The following GALNT14 variants were observed in gnomAD, a reference collection of about 807,000 sequenced individuals.
GALNT14 encodes polypeptide N-acetylgalactosaminyltransferase 14.
Under a neutral mutation model 77.5 loss-of-function variants are expected in GALNT14, and 60 were observed. That is an observed-to-expected ratio of 0.77 (90% CI 0.63 to 0.96). GALNT14 has a LOEUF of 0.96. Among genes scored for constraint, GALNT14 ranks in the 40% least tolerant of loss-of-function variants. GALNT14 has a pLI of 0.00. For synonymous variants in GALNT14, 280 were observed against 281.7 expected, an observed-to-expected ratio of 0.99 and a Z score of 0.06; for missense variants, 710 against 731.0, an observed-to-expected ratio of 0.97 and a Z score of 0.33.
intron 1 of GALNT14, among the ~76,000 whole-genome samples, chr2:31,112,451 T>C (rs1343550682): frequency 6.6e-6 from 1 of 152,148 alleles, no homozygotes; most frequent in African/African-American, 2.4e-5. Flanking sequence ...TTACAGGAGA[T>C]GTATGGGACA....
chr2:31,113,207 C>T (rs868237800), intron 1 of GALNT14, among the ~76,000 whole-genome samples: 2 of 152,268 alleles, frequency 1.3e-5, no homozygotes, highest in Non-Finnish European at 1.5e-5. Context: ...TTTGAATGTG[C>T]CCCTGCTGAT....
At chr2:30,911,204 A>T (rs1664338133) in intron 14 of GALNT14, 145 bp from the exon 15 acceptor site, 3 of 658,196 alleles carry the variant, frequency 4.6e-6, no homozygotes, top group Admixed American at 3.3e-5. Context: ...ACTGCAACTA[A>T]TTGCTCTACC....
At chr2:31,029,694 C>G (rs1446307690) in intron 1 of GALNT14, among the ~76,000 whole-genome samples, 1 of 152,170 alleles carries the variant, frequency 6.6e-6, no homozygotes, top group Admixed American at 6.5e-5. Context: ...GAACAACACT[C>G]TACATCCCAG....
At chr2:30,983,021 A>G (rs577104083) in intron 2 of GALNT14, among the ~76,000 whole-genome samples, 1 of 152,308 alleles carries the variant, frequency 6.6e-6, no homozygotes, top group East Asian at 1.9e-4. Context: ...TGCAGAGTGC[A>G]AATCCAGGGA....
chr2:31,072,282 TACACAC>T (rs1198431998), intron 1 of GALNT14, among the ~76,000 whole-genome samples: 5 of 37,810 alleles, frequency 1.3e-4, no homozygotes, highest in Middle Eastern at 0.014. Context: ...CACACACACA[TACACAC>T]ACACACACAC....
chr2:31,115,524 T>C (rs149203192), intron 1 of GALNT14, among the ~76,000 whole-genome samples: 91 of 152,296 alleles, frequency 6.0e-4, no homozygotes, highest in African/African-American at 2.2e-3. Flanking sequence ...TAAATCTAAT[T>C]AGGTAATATT....
chr2:31,109,939 T>C (rs1677754250), intron 1 of GALNT14, among the ~76,000 whole-genome samples: 2 of 152,192 alleles, frequency 1.3e-5, no homozygotes, highest in African/African-American at 2.4e-5. Context: ...AGAAACAATA[T>C]TTATAAAATA....
intron 13 of GALNT14, among the ~76,000 whole-genome samples, chr2:30,918,756 TCAGGCAGGGAGGG>T (rs2148215525): frequency 2.0e-5 from 2 of 99,130 alleles, no homozygotes; most frequent in East Asian, 6.5e-4. Flanking sequence ...GAGGGTGGCA[TCAGGCAGGGAGGG>T]TGGCATCGGG....
At chr2:31,129,258 GAAT>G (rs1678857677) in intron 1 of GALNT14, 3 of 543,362 alleles carry the variant, frequency 5.5e-6, no homozygotes, top group Non-Finnish European at 7.0e-6. Flanking sequence ...CAGAAAACGA[GAAT>G]AATAATAACA....
At chr2:31,022,630 A>G (rs1671791361) in intron 1 of GALNT14, among the ~76,000 whole-genome samples, 1 of 152,234 alleles carries the variant, frequency 6.6e-6, no homozygotes. Context: ...TGGTGGGATG[A>G]AATTCCTGCT....
At chr2:30,897,636 T>C in the GALNT14 span, among the ~76,000 whole-genome samples, 1 of 152,222 alleles carries the variant, frequency 6.6e-6, no homozygotes, top group East Asian at 1.9e-4. Context: ...TGGTGTCTCC[T>C]GCCGTTTTCT....
At chr2:31,086,667 T>G (rs1446770432) in intron 1 of GALNT14, among the ~76,000 whole-genome samples, 1 of 152,166 alleles carries the variant, frequency 6.6e-6, no homozygotes, top group Non-Finnish European at 1.5e-5. Flanking sequence ...TAAATCTATA[T>G]TTTATTTATT....
At chr2:31,079,028 T>A (rs1675992037) in intron 1 of GALNT14, 1 of 1,286,188 alleles carries the variant, frequency 7.8e-7, no homozygotes, top group Admixed American at 2.3e-5. Flanking sequence ...CAGAACGAAA[T>A]GGGTAGGCTC....
chr2:31,077,102 C>G (rs577910001), intron 1 of GALNT14, among the ~76,000 whole-genome samples: 1 of 152,166 alleles, frequency 6.6e-6, no homozygotes, highest in Non-Finnish European at 1.5e-5. Context: ...ATGTGCTACG[C>G]TATTACAAAC....
intron 1 of GALNT14, among the ~76,000 whole-genome samples, chr2:31,021,357 T>C (rs1432191061): frequency 6.6e-6 from 1 of 152,002 alleles, no homozygotes; most frequent in Non-Finnish European, 1.5e-5. Flanking sequence ...CAGGCTGGAG[T>C]GCAGTGGTGT....
chr2:30,887,135 G>A, the GALNT14 span, among the ~76,000 whole-genome samples: 6 of 152,292 alleles, frequency 3.9e-5, no homozygotes, highest in East Asian at 1.9e-4. Context: ...ATTGATGGAC[G>A]TTTGAATTGT....
At chr2:30,917,216 C>T (rs1030399879) in intron 13 of GALNT14, among the ~76,000 whole-genome samples, 9 of 152,022 alleles carry the variant, frequency 5.9e-5, no homozygotes, top group Non-Finnish European at 1.0e-4. Flanking sequence ...CAGCGGCTCT[C>T]GACTCTCCCC....
At chr2:31,062,026 T>C (rs891044537) in intron 1 of GALNT14, among the ~76,000 whole-genome samples, 2 of 152,236 alleles carry the variant, frequency 1.3e-5, no homozygotes, top group African/African-American at 2.4e-5. Context: ...TTGTGGTTGT[T>C]GTTTTTGGAA....
At chr2:31,081,435 C>T (rs1305486430) in intron 1 of GALNT14, among the ~76,000 whole-genome samples, 1 of 152,080 alleles carries the variant, frequency 6.6e-6, no homozygotes, top group African/African-American at 2.4e-5. Flanking sequence ...TAAAAATAAG[C>T]AGGAAGGAAA....
Sources: allele counts gnomAD v4.1 joint callset (sites outside exome capture counted in the v4.1 genomes callset), GRCh38; gene constraint gnomAD v4.1.1; transcripts MANE v1.5; gene names NCBI Gene and HGNC (gene_info 2026-07-23, HGNC 2026-07-21).